JAKMIP3: variants seen among roughly 807,000 people sequenced by gnomAD.
JAKMIP3 encodes the protein janus kinase and microtubule-interacting protein 3.
A neutral mutation model predicts 118.5 loss-of-function variants in JAKMIP3; 58 were observed. The ratio of observed to expected loss-of-function variants is 0.49; its 90% CI spans 0.40 to 0.61. The LOEUF is 0.61. Ranked by LOEUF, JAKMIP3 falls within the 20% of genes least tolerant of loss-of-function variation. JAKMIP3 has a pLI of 0.00. For synonymous variants in JAKMIP3, 486 were observed against 451.2 expected (o/e 1.08, Z -0.98); for missense variants, 950 against 1,109.0 (o/e 0.86, Z 2.04).
At chr10:132,104,619 C>T in intron 1 of JAKMIP3, 53 bp from the exon 2 acceptor site, 1 of 619,572 alleles carries the variant, frequency 1.6e-6, no homozygotes, top group Non-Finnish European at 2.8e-6. Flanking sequence ...CCCCTGAGCT[C>T]CAGGCCACGG....
At chr10:132,151,561 C>T (rs2056213450) in intron 16 of JAKMIP3, among the ~76,000 whole-genome samples, 1 of 152,222 alleles carries the variant, frequency 6.6e-6, no homozygotes, top group Admixed American at 6.5e-5. Context: ...GGGTCCAGTC[C>T]TGGGTATCAG....
At chr10:132,180,674 TGCGCGCGC>T (rs869250608) in intron 23 of JAKMIP3, among the ~76,000 whole-genome samples, 49 of 19,310 alleles carry the variant, frequency 2.5e-3, no homozygotes, top group African/African-American at 3.7e-3. Flanking sequence ...TGCGTGTGTG[TGCGCGCGC>T]GTGTGTGTGC....
intron 1 of JAKMIP3, among the ~76,000 whole-genome samples, chr10:132,097,995 C>T (rs71512277): frequency 0.39 from 18,150 of 46,492 alleles, 5,969 homozygotes; most frequent in East Asian, 0.5. Flanking sequence ...CCTTCCCCTT[C>T]CCCTTCCCCT....
At chr10:132,167,087 G>T (rs537339368) in intron 22 of JAKMIP3, 32 bp downstream of exon 22, 3 of 1,448,668 alleles carry the variant, frequency 2.1e-6, no homozygotes, top group Non-Finnish European at 2.8e-6. Context: ...CCCAGCAGGG[G>T]TCCCGCTCTG....
At chr10:132,134,784 T>C (rs1303306245) in intron 4 of JAKMIP3, among the ~76,000 whole-genome samples, 1 of 152,136 alleles carries the variant, frequency 6.6e-6, no homozygotes, top group Non-Finnish European at 1.5e-5. Flanking sequence ...TATTTTACTT[T>C]ATGTTATTTT....
intron 1 of JAKMIP3, among the ~76,000 whole-genome samples, chr10:132,059,489 C>T (rs546790034): frequency 6.6e-6 from 1 of 152,368 alleles, no homozygotes; most frequent in South Asian, 2.1e-4. Flanking sequence ...GCAAGGATGA[C>T]CCAGCCGCCC....
At chr10:132,182,158 C>T (rs931237896) in intron 23 of JAKMIP3, among the ~76,000 whole-genome samples, 199 bp from the exon 24 acceptor site, 12 of 151,922 alleles carry the variant, frequency 7.9e-5, no homozygotes, top group African/African-American at 2.9e-4. Flanking sequence ...AGGTGCGTCT[C>T]CCGGGCTGGA....
In JAKMIP3 at chr10:132,153,836, C is replaced by T. The variant is rs773355581; in HGVS notation, c.2142+9C>T. On this transcript the variant is annotated intron_variant, in intron 18 of 23. Coordinates refer to ENST00000684848, the MANE Select transcript of JAKMIP3 (RefSeq NM_001323087.2). ...ATCTGGAGAGCGAGAAGGTTGGTGG[C>T]ACCTTCACCGAGGTTCTGCGGCTCG... 1 of 1,612,902 alleles carries T rather than the reference C, an allele frequency of 6.2e-7. No individual in the cohort carries two copies. Among genetic ancestry groups the T allele is most frequent in the East Asian group, 2.2e-5 (1 of 44,874 alleles).
chr10:132,097,265 C>G (rs376026454), intron 1 of JAKMIP3, among the ~76,000 whole-genome samples: 6 of 152,134 alleles, frequency 3.9e-5, no homozygotes, highest in Admixed American at 2.0e-4. Context: ...CTCCAGTGGG[C>G]GAGTGGCGAA....
chr10:132,141,822 A>G (rs1050580737), intron 10 of JAKMIP3, 98 bp from the exon 11 acceptor site: 12 of 1,341,980 alleles, frequency 8.9e-6, no homozygotes, highest in Non-Finnish European at 3.0e-6. Context: ...ACCATTTGAT[A>G]TCTGGGGAGA....
chr10:132,070,211 G>C (rs186417012), intron 1 of JAKMIP3, among the ~76,000 whole-genome samples: 1 of 152,032 alleles, frequency 6.6e-6, no homozygotes, highest in Non-Finnish European at 1.5e-5. Flanking sequence ...GCAGTGGCGC[G>C]TTCTTGGCTT....
intron 17 of JAKMIP3, 71 bp downstream of exon 17, chr10:132,153,094 G>T: frequency 3.1e-6 from 4 of 1,301,176 alleles, no homozygotes; most frequent in Non-Finnish European, 4.4e-6. Context: ...TCAGCTCAGA[G>T]GTGGTGATCT....
At chr10:132,148,311 G>A (rs890025671) in intron 14 of JAKMIP3, among the ~76,000 whole-genome samples, 3 of 152,126 alleles carry the variant, frequency 2.0e-5, no homozygotes, top group African/African-American at 4.8e-5. Flanking sequence ...GAGGCCAGCC[G>A]CCCAAAGCAC....
chr10:132,076,973 GA>G (rs2040910570), intron 1 of JAKMIP3, among the ~76,000 whole-genome samples: 1 of 151,854 alleles, frequency 6.6e-6, no homozygotes, highest in African/African-American at 2.4e-5. Flanking sequence ...CTGACTGATT[GA>G]GGGCTGGCCT....
At chr10:132,181,895 G>A (rs2061527158) in intron 23 of JAKMIP3, among the ~76,000 whole-genome samples, 1 of 152,056 alleles carries the variant, frequency 6.6e-6, no homozygotes, top group Non-Finnish European at 1.5e-5. Flanking sequence ...ATGCTGCCAT[G>A]CCCCAGGGAC....
intron 1 of JAKMIP3, among the ~76,000 whole-genome samples, chr10:132,098,899 T>G (rs1052062907): frequency 5.9e-5 from 9 of 152,352 alleles, no homozygotes; most frequent in East Asian, 5.8e-4. Context: ...TCAGTAAGCC[T>G]CCTCAGGGTG....
rs182065429 is a variant in JAKMIP3, at chr10:132,070,210, C to T, written c.-138+4149C>T. On this transcript the variant is annotated intron_variant, in intron 1 of 23. Transcript: ENST00000684848. ...TTGCCCAGGCTGGGGTGCAGTGGCG[C>T]GTTCTTGGCTTACTGCAACCTCTGC... 3.7e-3 allele frequency among the ~76,000 whole-genome samples: 569 copies of T among 152,086 alleles called. 2 individuals are homozygous for T. The highest frequency in any genetic ancestry group is 6.4e-3 in the Non-Finnish European group (436 of 67,986).
intron 1 of JAKMIP3, among the ~76,000 whole-genome samples, chr10:132,038,295 C>G (rs931268219): frequency 6.6e-6 from 1 of 152,134 alleles, no homozygotes; most frequent in Non-Finnish European, 1.5e-5. Flanking sequence ...CAGCGTTTCT[C>G]ACACTCCAGG....
chr10:132,042,937 A>AAAAAAT (rs3068004), intron 1 of JAKMIP3, among the ~76,000 whole-genome samples: 3 of 148,506 alleles, frequency 2.0e-5, no homozygotes, highest in Non-Finnish European at 3.0e-5. Flanking sequence ...AAAAAAAAAA[A>AAAAAAT]ACAAAAATTA....
Sources: gnomAD v4.1 joint callset for allele counts (sites outside exome capture counted in the v4.1 genomes callset) on GRCh38, gnomAD v4.1.1 for gene constraint, MANE v1.5 for transcripts, NCBI Gene and HGNC (gene_info 2026-07-23, HGNC 2026-07-21) for gene names.